PACSIN2: variants seen among roughly 807,000 people sequenced by gnomAD.
PACSIN2 encodes protein kinase C and casein kinase substrate in neurons protein 2.
In PACSIN2, 25 loss-of-function variants were observed where a neutral mutation model predicts 63.8. The observed-to-expected ratio is 0.39, with a 90% CI of 0.29 to 0.55. PACSIN2 has a LOEUF of 0.55. PACSIN2 is among the 20% of genes least tolerant of loss of function. PACSIN2 has a pLI of 0.62. For missense variants in PACSIN2, 518 were observed against 646.9 expected, an observed-to-expected ratio of 0.80 and a Z score of 2.16; for synonymous variants, 255 against 256.2, an observed-to-expected ratio of 1.00 and a Z score of 0.05.
At chr22:42,885,758 T>TC (rs146626572) in intron 5 of PACSIN2, among the ~76,000 whole-genome samples, 11,264 of 152,110 alleles carry the variant, frequency 0.074, 548 homozygotes, top group Non-Finnish European at 0.11. Flanking sequence ...CCCTTTCTCC[T>TC]CTCCTGGTAT....
chr22:42,998,193 A>G (rs975252661), intron 1 of PACSIN2, among the ~76,000 whole-genome samples: 1 of 152,254 alleles, frequency 6.6e-6, no homozygotes, highest in African/African-American at 2.4e-5. Flanking sequence ...CTTTGGTACC[A>G]TGAGAGTGAG....
At chr22:42,994,002 C>T (rs1404741093) in intron 1 of PACSIN2, among the ~76,000 whole-genome samples, 1 of 152,212 alleles carries the variant, frequency 6.6e-6, no homozygotes, top group African/African-American at 2.4e-5. Flanking sequence ...CATAAGTCAA[C>T]ATTAAAAACT....
Position 43,010,398 on chromosome 22 carries a change from A to ATATATATATTTTTTTTTTT in PACSIN2, c.-78+4622_-78+4623insAAAAAAAAAAATATATATA. Among the ~76,000 whole-genome samples the ATATATATATTTTTTTTTTT allele has an allele frequency of 5.0e-3, 627 of 126,366 alleles. 3 individuals are homozygous for ATATATATATTTTTTTTTTT. Among genetic ancestry groups the ATATATATATTTTTTTTTTT allele is most frequent in the Middle Eastern group, 0.012 (3 of 248 alleles). 82.9% of individuals were successfully genotyped at this position (126,366 alleles called of 152,430 possible). On this transcript the variant is annotated intron_variant, in intron 1 of 10. Transcript: ENST00000263246. The stretch of plus-strand genomic sequence containing the variant: ...TGTTTAAAAATACATATATATATAT[A>ATATATATATTTTTTTTTTT]TTTTTTTTTAATTGAAAATAAAAAA...
chr22:42,998,809 T>C (rs1346431868), intron 1 of PACSIN2, among the ~76,000 whole-genome samples: 6 of 152,028 alleles, frequency 3.9e-5, no homozygotes. Flanking sequence ...TGTGCCCATA[T>C]AAAACCCCAA....
chr22:42,895,984 T>C (rs1337131623), intron 2 of PACSIN2, among the ~76,000 whole-genome samples: 1 of 152,164 alleles, frequency 6.6e-6, no homozygotes, highest in East Asian at 1.9e-4. Context: ...ACTGCAGTCG[T>C]CCCAGGAGCA....
At chr22:42,934,273 G>T (rs1932844263) in intron 1 of PACSIN2, among the ~76,000 whole-genome samples, 1 of 152,236 alleles carries the variant, frequency 6.6e-6, no homozygotes, top group African/African-American at 2.4e-5. Context: ...GCTCAACTGT[G>T]TGCCCAAATA....
intron 1 of PACSIN2, among the ~76,000 whole-genome samples, chr22:42,995,055 G>C (rs550566616): frequency 6.6e-6 from 1 of 152,198 alleles, no homozygotes; most frequent in African/African-American, 2.4e-5. Context: ...CAATCACATA[G>C]TCAAAGGGGA....
intron 1 of PACSIN2, among the ~76,000 whole-genome samples, chr22:42,929,948 C>CA (rs1279551583): frequency 1.3e-5 from 2 of 152,220 alleles, no homozygotes; most frequent in Non-Finnish European, 2.9e-5. Context: ...GGGCTCCTTC[C>CA]AATCAACCTC....
intron 2 of PACSIN2, among the ~76,000 whole-genome samples, chr22:42,906,809 C>T (rs1710592511): frequency 6.6e-6 from 1 of 152,210 alleles, no homozygotes; most frequent in Admixed American, 6.5e-5. Flanking sequence ...GCAATATACA[C>T]CATGTCTACA....
chr22:43,006,575 G>C (rs575746981), intron 1 of PACSIN2, among the ~76,000 whole-genome samples: 49 of 152,330 alleles, frequency 3.2e-4, no homozygotes, highest in African/African-American at 1.1e-3. Flanking sequence ...AGCACTTTGG[G>C]AGGCAGAGGC....
Position 42,910,451 on chromosome 22 carries a change from T to C in PACSIN2, c.60+1570A>G, listed in dbSNP as rs531371257. 1.2e-3 allele frequency among the ~76,000 whole-genome samples: 184 copies of C among 152,298 alleles called. 2 individuals carry two copies. The highest frequency in any genetic ancestry group is 4.1e-4 in the Non-Finnish European group (28 of 68,026). On this transcript the variant is annotated intron_variant, in intron 2 of 10. Coordinates refer to ENST00000263246, the MANE Select transcript of PACSIN2 (RefSeq NM_001184970.3). ...CCTGCACTAATGAGGCCACAGCCTC[T>C]CTGGGGGGGCCAGCCAGCGGGACCT... is the stretch of plus-strand genomic sequence containing the variant.
intron 1 of PACSIN2, among the ~76,000 whole-genome samples, chr22:42,923,465 T>C (rs965177937): frequency 2.0e-5 from 3 of 152,212 alleles, no homozygotes; most frequent in Non-Finnish European, 4.4e-5. Flanking sequence ...TTTCACTCTG[T>C]TGCCCAGGCT....
intron 1 of PACSIN2, among the ~76,000 whole-genome samples, chr22:42,933,591 C>T (rs1932826598): frequency 3.3e-5 from 5 of 152,178 alleles, no homozygotes; most frequent in Admixed American, 6.5e-5. Context: ...GCAGCCTGTC[C>T]GTCCTATACT....
intron 9 of PACSIN2, 116 bp from the exon 10 acceptor site, chr22:42,876,449 C>G: frequency 2.5e-6 from 2 of 789,646 alleles, no homozygotes; most frequent in Non-Finnish European, 4.1e-6. Context: ...GGGCTCCTTC[C>G]GAAGGAGCAC....
intron 2 of PACSIN2, among the ~76,000 whole-genome samples, chr22:42,897,001 A>G (rs552421216): frequency 3.5e-4 from 53 of 152,264 alleles, no homozygotes; most frequent in Non-Finnish European, 5.6e-4. Flanking sequence ...CAGTGCCACA[A>G]TCATGGCTCA....
At chr22:42,969,134 G>A (rs777346565) in intron 1 of PACSIN2, among the ~76,000 whole-genome samples, 2 of 152,142 alleles carry the variant, frequency 1.3e-5, no homozygotes, top group Non-Finnish European at 2.9e-5. Context: ...CTAGGCAAGT[G>A]TTACATAAAT....
chr22:42,997,567 CAATA>C (rs763431507), intron 1 of PACSIN2, among the ~76,000 whole-genome samples: 25 of 141,052 alleles, frequency 1.8e-4, no homozygotes, highest in Non-Finnish European at 3.2e-4. Context: ...AAAAAAAAAA[CAATA>C]AATAATAAAT....
intron 1 of PACSIN2, among the ~76,000 whole-genome samples, chr22:42,987,431 C>T (rs1200569761): frequency 6.8e-6 from 1 of 146,342 alleles, no homozygotes; most frequent in African/African-American, 2.6e-5. Flanking sequence ...TGAGACACCC[C>T]ACCCTGAGTC....
chr22:42,932,537 G>C (rs1378939336), intron 1 of PACSIN2, among the ~76,000 whole-genome samples: 2 of 152,160 alleles, frequency 1.3e-5, no homozygotes, highest in Admixed American at 6.5e-5. Flanking sequence ...AAGTGAAATG[G>C]TGGGACAGTA....
Sources: allele counts gnomAD v4.1 joint callset (sites outside exome capture counted in the v4.1 genomes callset), GRCh38; gene constraint gnomAD v4.1.1; transcripts MANE v1.5; gene names NCBI Gene and HGNC (gene_info 2026-07-23, HGNC 2026-07-21).